Variants in ATP6V1A observed in about 807,000 individuals in gnomAD.
ATP6V1A encodes V-type proton ATPase catalytic subunit A.
A neutral mutation model predicts 70.1 loss-of-function variants in ATP6V1A; 18 were observed. The observed-to-expected ratio is 0.26, with a 90% CI of 0.18 to 0.38. The LOEUF (loss-of-function observed/expected upper bound fraction) is 0.38, where lower values mean the gene tolerates loss of function less well. Ranked by LOEUF, ATP6V1A falls within the 10% of genes least tolerant of loss-of-function variation. ATP6V1A has a pLI of 1.00. For synonymous variants in ATP6V1A, 232 were observed against 253.8 expected, an observed-to-expected ratio of 0.91 and a Z score of 0.82; for missense variants, 424 against 772.4, an observed-to-expected ratio of 0.55 and a Z score of 5.35.
intron 14 of ATP6V1A, among the ~76,000 whole-genome samples, chr3:113,807,088 T>C (rs1240193614): frequency 1.3e-5 from 2 of 152,084 alleles, no homozygotes; most frequent in East Asian, 3.8e-4. Context: ...CTTTTTAGTC[T>C]TGTCATTTCA....
chr3:113,753,356 A>T (rs1254269079), intron 1 of ATP6V1A, among the ~76,000 whole-genome samples: 1 of 152,230 alleles, frequency 6.6e-6, no homozygotes. Flanking sequence ...GAAGTGTTAG[A>T]GTTTTTCCTA....
At chr3:113,802,811 T>C (rs1160830087) in intron 12 of ATP6V1A, 1 of 152,462 alleles carries the variant, frequency 6.6e-6, no homozygotes, top group African/African-American at 2.4e-5. Context: ...TAGAGGCGCA[T>C]GCCACCACGC....
At chr3:113,795,552 A>G (rs1709144713) in intron 10 of ATP6V1A, among the ~76,000 whole-genome samples, 1 of 151,882 alleles carries the variant, frequency 6.6e-6, no homozygotes, top group Non-Finnish European at 1.5e-5. Flanking sequence ...ATAAAGCCAT[A>G]CTTTTTTCTT....
chr3:113,785,714 G>A (rs1197693800), intron 5 of ATP6V1A, among the ~76,000 whole-genome samples: 1 of 150,164 alleles, frequency 6.7e-6, no homozygotes, highest in African/African-American at 2.4e-5. Flanking sequence ...CTGTCACCAG[G>A]CTAGAGTGCA....
chr3:113,756,487 C>T (rs1577079701), intron 1 of ATP6V1A, among the ~76,000 whole-genome samples: 2 of 152,200 alleles, frequency 1.3e-5, no homozygotes, highest in East Asian at 3.9e-4. Flanking sequence ...CCAAAATCTG[C>T]CATTTAGCTT....
chr3:113,755,276 C>T (rs369188589), intron 1 of ATP6V1A, among the ~76,000 whole-genome samples: 26 of 151,760 alleles, frequency 1.7e-4, no homozygotes, highest in East Asian at 1.2e-3. Flanking sequence ...ATAATAGAAG[C>T]GATTGGAATA....
At chr3:113,763,787 AAGG>A (rs1708734442) in intron 1 of ATP6V1A, among the ~76,000 whole-genome samples, 3 of 152,314 alleles carry the variant, frequency 2.0e-5, no homozygotes, top group African/African-American at 7.2e-5. Context: ...ACATCAAATA[AAGG>A]AGTTTATTAA....
At chr3:113,752,647 A>G (rs1010280555) in intron 1 of ATP6V1A, among the ~76,000 whole-genome samples, 2 of 152,062 alleles carry the variant, frequency 1.3e-5, no homozygotes, top group Admixed American at 6.5e-5. Flanking sequence ...ATATATTTTT[A>G]ATTTTAAGTA....
At chr3:113,750,847 TGAA>T (rs1708578260) in intron 1 of ATP6V1A, among the ~76,000 whole-genome samples, 1 of 152,110 alleles carries the variant, frequency 6.6e-6, no homozygotes, top group Admixed American at 6.5e-5. Flanking sequence ...GTTTGGGGCA[TGAA>T]GAAGAGAGTA....
At chr3:113,799,707 T>TA (rs1409451798) in intron 12 of ATP6V1A, among the ~76,000 whole-genome samples, 1 of 152,196 alleles carries the variant, frequency 6.6e-6, no homozygotes, top group Non-Finnish European at 1.5e-5. Context: ...ACTGGGGTGT[T>TA]ATGATTCAAG....
chr3:113,806,256 C>CA (rs950818049), intron 14 of ATP6V1A, among the ~76,000 whole-genome samples: 10 of 151,706 alleles, frequency 6.6e-5, no homozygotes, highest in South Asian at 2.1e-4. Flanking sequence ...TCTCAAAAAA[C>CA]AAAAAAAATT....
intron 5 of ATP6V1A, among the ~76,000 whole-genome samples, chr3:113,785,506 C>CTTTTTTTT (rs987781968): frequency 8.4e-5 from 9 of 107,172 alleles, no homozygotes; most frequent in Non-Finnish European, 1.1e-4. Flanking sequence ...TTTTTCTTTT[C>CTTTTTTTT]TTTTTTTTTT....
In ATP6V1A at chr3:113,803,700, TTTTA is replaced by T. The variant is rs759814042; in HGVS notation, c.1589+27_1589+30del. The T allele has an allele frequency of 3.2e-6, 5 of 1,544,210 alleles. No individual in the cohort carries two copies. The Admixed American group carries it at 9.2e-5, about 28-fold the overall frequency. On this transcript the variant is annotated intron_variant, in intron 13 of 14. Transcript: ENST00000273398. ...CAGGTAAGCTATATTGATTTCCTTT[TTTTA>T]TTTGAGGATTTTCTGTTGTGTTTTG...
intron 1 of ATP6V1A, among the ~76,000 whole-genome samples, chr3:113,759,800 C>G (rs959635926): frequency 6.6e-6 from 1 of 152,044 alleles, no homozygotes; most frequent in African/African-American, 2.4e-5. Flanking sequence ...GTTTCTATTT[C>G]CCCCCACACC....
chr3:113,754,734 G>A (rs944972374), intron 1 of ATP6V1A, among the ~76,000 whole-genome samples: 6 of 152,082 alleles, frequency 3.9e-5, no homozygotes, highest in African/African-American at 1.2e-4. Context: ...CATAAGAAAA[G>A]TCCCTATTTG....
At chr3:113,784,556 G>T in intron 4 of ATP6V1A, 118 bp downstream of exon 4, 1 of 1,396,480 alleles carries the variant, frequency 7.2e-7, no homozygotes. Context: ...ATAGTTTAAA[G>T]TTTTTCTTAA....
chr3:113,772,933 C>CTTTTTTTTTTTTTTTTTTTT (rs762901487), intron 1 of ATP6V1A, among the ~76,000 whole-genome samples: 2 of 90,450 alleles, frequency 2.2e-5, no homozygotes, highest in African/African-American at 9.0e-5. Context: ...TTAATATTGG[C>CTTTTTTTTTTTTTTTTTTTT]TTTTTTTTTT....
intron 1 of ATP6V1A, chr3:113,747,397 G>A (rs996369224): frequency 2.0e-5 from 3 of 152,394 alleles, no homozygotes; most frequent in African/African-American, 7.2e-5. Context: ...GTAGCAGATT[G>A]TTTCAGCCAT....
At chr3:113,796,478 C>T (rs1194067545) in intron 11 of ATP6V1A, among the ~76,000 whole-genome samples, 1 of 152,198 alleles carries the variant, frequency 6.6e-6, no homozygotes, top group Non-Finnish European at 1.5e-5. Context: ...GACACAGTCA[C>T]TCCACTCATT....
Sources: gnomAD v4.1 joint callset for allele counts (sites outside exome capture counted in the v4.1 genomes callset) on GRCh38, gnomAD v4.1.1 for gene constraint, MANE v1.5 for transcripts, NCBI Gene and HGNC (gene_info 2026-07-23, HGNC 2026-07-21) for gene names.